JRKL: variants seen among roughly 807,000 people sequenced by gnomAD.
JRKL encodes the protein JRK like.
In JRKL, 25 loss-of-function variants were observed where a neutral mutation model predicts 34.7. The ratio of observed to expected loss-of-function variants is 0.72; its 90% CI spans 0.53 to 1.01. JRKL has a LOEUF of 1.01. JRKL is among the 50% of genes least tolerant of loss of function. JRKL has a pLI of 0.00. For missense variants in JRKL, 495 were observed against 615.7 expected (o/e 0.80, Z 2.07); for synonymous variants, 204 against 212.8 (o/e 0.96, Z 0.36).
rs1410419796 is a variant in JRKL at position 96,392,159 on chromosome 11, C to T, written c.1510C>T (p.Leu504=). ...AGGTGATATGATTCTACCTGATAGACTGGTAATACGTAAACTTCGAGCCAC... is the reference window on the plus strand; with the variant it reads ...AGGTGATATGATTCTACCTGATAGATTGGTAATACGTAAACTTCGAGCCAC... ...QQGDMILPDR[L]VIRKLRATIR... is the part of the protein sequence containing the mutation. The change falls in exon 2 of 2, where the codon CTG becomes TTG. Residue 504 remains leucine (L), a synonymous_variant. Coordinates refer to ENST00000332349, the MANE Select transcript of JRKL (RefSeq NM_001261833.2). The T allele has an allele frequency of 6.2e-7, 1 of 1,611,388 alleles. No individual in the cohort carries two copies.
rs753575412 is a variant in JRKL at position 96,392,157 on chromosome 11, G to C, written c.1508G>C (p.Arg503Thr). The C allele has an allele frequency of 6.2e-7, 1 of 1,612,374 alleles. No homozygotes were observed. Among genetic ancestry groups the C allele is most frequent in the Admixed American group, 1.7e-5 (1 of 59,680 alleles). Reference sequence around the variant, plus strand: ...CAAGGTGATATGATTCTACCTGATAGACTGGTAATACGTAAACTTCGAGCC... The same window carrying C: ...CAAGGTGATATGATTCTACCTGATACACTGGTAATACGTAAACTTCGAGCC... Reference protein sequence around the residue: ...EQQGDMILPDRLVIRKLRATI... With the variant: ...EQQGDMILPDTLVIRKLRATI... Residue 503 changes from arginine to threonine, a missense_variant, in exon 2 of 2, where the codon AGA becomes ACA. Transcript: ENST00000332349.
chr11:96,391,935 A>C lies in JRKL; in HGVS notation c.1286A>C (p.Glu429Ala). ...GLENVTTENL[E>A]KWLEVDSTEP... ...GAAAATGTGACTACTGAGAACCTTG[A>C]AAAATGGCTTGAAGTAGACAGTACT... Residue 429 changes from glutamate to alanine, a missense_variant, in exon 2 of 2, where the codon GAA (glutamate) becomes GCA (alanine). Transcript: ENST00000332349. 6.2e-7 allele frequency: 1 copy of C among 1,614,174 alleles called. No homozygotes were observed. Among genetic ancestry groups the C allele is most frequent in the Non-Finnish European group, 8.5e-7 (1 of 1,180,018 alleles).
chr11:96,391,915 T>C lies in JRKL; in HGVS notation c.1266T>C (p.Asn422=). The C allele has an allele frequency of 6.2e-7, 1 of 1,614,186 alleles. No homozygotes were observed. The highest frequency in any genetic ancestry group is 8.5e-7 in the Non-Finnish European group (1 of 1,180,024). ...AILQHTKGLE[N]VTTENLEKWL... is the part of the protein sequence containing the mutation. ...TACAACACACCAAAGGATTGGAAAA[T>C]GTGACTACTGAGAACCTTGAAAAAT... The change falls in exon 2 of 2, where the codon AAT becomes AAC. Residue 422 remains asparagine (N), a synonymous_variant. Coordinates refer to ENST00000332349, the MANE Select transcript of JRKL (RefSeq NM_001261833.2).
intron 1 of JRKL, among the ~76,000 whole-genome samples, 157 bp from the exon 2 acceptor site, chr11:96,390,326 C>T (rs1866488904): frequency 6.6e-6 from 1 of 152,070 alleles, no homozygotes; most frequent in Non-Finnish European, 1.5e-5. Context: ...TTCGTGGCCA[C>T]AATGGGGGTA....
rs764719133 is a variant in JRKL, at chr11:96,391,782, C to G, written c.1133C>G (p.Pro378Arg). Residue 378 changes from proline (P) to arginine (R), a missense_variant, in exon 2 of 2, where the codon CCA becomes CGA. Pro to Arg is a moderately radical substitution (Grantham distance 103). Transcript: ENST00000332349. ...EIAMAWNLVK[P>R]VTISRAWKKI... ...GCAATGGCATGGAACTTAGTAAAAC[C>G]AGTTACCATTAGCAGAGCATGGAAG... 4 of 1,614,022 alleles carry G rather than the reference C, an allele frequency of 2.5e-6. No homozygotes were observed. In the African/African-American group the frequency reaches 4.0e-5, roughly 16 times the overall value.
In JRKL at chr11:96,391,230, A is replaced by C. The variant is rs764064703; in HGVS notation, c.581A>C (p.Lys194Thr). Residue 194 changes from lysine (K) to threonine (T), a missense_variant, in exon 2 of 2, where the codon AAA becomes ACA. Physicochemically the swap from Lys to Thr is moderately conservative, Grantham distance 78. Coordinates refer to ENST00000332349, the MANE Select transcript of JRKL (RefSeq NM_001261833.2). ...TTGCCTTCTAGGATTTCAGTAATCA[A>C]AGGTAAATGCACTGTCCCTGGGCAC... is the stretch of plus-strand genomic sequence containing the variant. ...KCLPSRISVI[K>T]GKCTVPGHKS... is the part of the protein sequence containing the mutation. 5.7e-5 allele frequency: 88 copies of C among 1,552,322 alleles called. No individual in the cohort carries two copies. The South Asian group carries it at 1.0e-3, about 18-fold the overall frequency.
Position 96,391,508 on chromosome 11 carries a change from G to T in JRKL, c.859G>T (p.Ala287Ser). ...YLRSKGLQEKAVLLLDNSPTH... is the reference protein window; with the variant it reads ...YLRSKGLQEKSVLLLDNSPTH... ...AAGATCTAAAGGCTTGCAGGAAAAG[G>T]CTGTGCTCTTGTTGGATAATTCACC... The change falls in exon 2 of 2, where the codon GCT (alanine) becomes TCT (serine). Residue 287 changes from alanine to serine, a missense_variant. By Grantham distance (99) the Ala-to-Ser change is moderately conservative. Transcript: ENST00000332349. The T allele has an allele frequency of 6.4e-7, 1 of 1,552,860 alleles. No individual in the cohort carries two copies. Among genetic ancestry groups the T allele is most frequent in the Non-Finnish European group, 8.7e-7 (1 of 1,147,428 alleles).
At chr11:96,390,414 C>G (rs998189672) in intron 1 of JRKL, 69 bp from the exon 2 acceptor site, 1 of 428,900 alleles carries the variant, frequency 2.3e-6, no homozygotes, top group Non-Finnish European at 4.1e-6. Flanking sequence ...GGGGCCTCCG[C>G]TACTGCCCGT....
chr11:96,392,519 A>G lies in JRKL; in HGVS notation c.*295A>G. The G allele has an allele frequency of 4.2e-6, 1 of 238,152 alleles. No individual in the cohort carries two copies. Among genetic ancestry groups the G allele is most frequent in the East Asian group, 9.7e-5 (1 of 10,258 alleles). 14.8% of individuals were successfully genotyped at this position (238,152 alleles called of 1,614,324 possible). On this transcript the variant is annotated 3_prime_UTR_variant, in exon 2 of 2. Coordinates refer to ENST00000332349, the MANE Select transcript of JRKL (RefSeq NM_001261833.2). ...AACAGTGGCATTCCCTTAATTTTCT[A>G]GTGAAAGTTAGAGATAACTGAACAG... is the stretch of plus-strand genomic sequence containing the variant.
In JRKL at chr11:96,391,409, G is replaced by A; in HGVS notation, c.760G>A (p.Gly254Ser). ...GCCAGTCTCTTATTTCAGCCAAAAAGGTGCATGGATGGATCTTTCCATTTT... is the reference window on the plus strand; with the variant it reads ...GCCAGTCTCTTATTTCAGCCAAAAAAGTGCATGGATGGATCTTTCCATTTT... ...NLPVSYFSQK[G>S]AWMDLSIFRQ... Residue 254 changes from glycine to serine, a missense_variant, in exon 2 of 2, where the codon GGT becomes AGT. Gly to Ser is a moderately conservative substitution (Grantham distance 56). Coordinates refer to ENST00000332349, the MANE Select transcript of JRKL (RefSeq NM_001261833.2). 2.6e-6 allele frequency: 4 copies of A among 1,551,690 alleles called. No individual in the cohort carries two copies. The highest frequency in any genetic ancestry group is 3.5e-6 in the Non-Finnish European group (4 of 1,146,992).
In JRKL at chr11:96,391,535, A is replaced by G. The variant is rs1866538046; in HGVS notation, c.886A>G (p.Thr296Ala). Reference protein sequence around the residue: ...KAVLLLDNSPTHPNENVLRSD... With the variant: ...KAVLLLDNSPAHPNENVLRSD... The stretch of plus-strand genomic sequence containing the variant: ...TGTGCTCTTGTTGGATAATTCACCA[A>G]CACATCCAAATGAAAATGTCCTAAG... Residue 296 changes from threonine to alanine, a missense_variant, in exon 2 of 2, where the codon ACA becomes GCA. Coordinates refer to ENST00000332349, the MANE Select transcript of JRKL (RefSeq NM_001261833.2). 1 of 1,556,576 alleles carries G rather than the reference A, an allele frequency of 6.4e-7. No individual in the cohort carries two copies. The highest frequency in any genetic ancestry group is 8.7e-7 in the Non-Finnish European group (1 of 1,149,462).
rs1866531758 is a variant in JRKL, at chr11:96,391,390, C to T, written c.741C>T (p.Val247=). The T allele has an allele frequency of 6.4e-7, 1 of 1,551,568 alleles. No homozygotes were observed. Among genetic ancestry groups the T allele is most frequent in the South Asian group, 1.2e-5 (1 of 84,066 alleles). ...FKSTDTLNLP[V]SYFSQKGAWM... is the part of the protein sequence containing the mutation. ...CAACTGACACCTTAAACCTGCCAGT[C>T]TCTTATTTCAGCCAAAAAGGTGCAT... Residue 247 remains valine (V), a synonymous_variant, in exon 2 of 2, where the codon GTC becomes GTT. Transcript: ENST00000332349.
chr11:96,391,927 G>A lies in JRKL; in HGVS notation c.1278G>A (p.Glu426=). The part of the protein sequence containing the change: ...HTKGLENVTT[E]NLEKWLEVDS... ...AAGGATTGGAAAATGTGACTACTGAGAACCTTGAAAAATGGCTTGAAGTAG... is the reference window on the plus strand; with the variant it reads ...AAGGATTGGAAAATGTGACTACTGAAAACCTTGAAAAATGGCTTGAAGTAG... Residue 426 remains glutamate (E), a synonymous_variant, in exon 2 of 2, where the codon GAG becomes GAA. Transcript: ENST00000332349. 1 of 1,614,146 alleles carries A rather than the reference G, an allele frequency of 6.2e-7. No individual in the cohort carries two copies. Among genetic ancestry groups the A allele is most frequent in the Non-Finnish European group, 8.5e-7 (1 of 1,180,014 alleles).
At position 96,392,169 on chromosome 11, in the gene JRKL, G is replaced by C. The variant is rs776886013; in HGVS notation, c.1520G>C (p.Arg507Pro). 3 of 1,603,772 alleles carry C rather than the reference G, an allele frequency of 1.9e-6. No homozygotes were observed. Among genetic ancestry groups the C allele is most frequent in the Non-Finnish European group, 1.7e-6 (2 of 1,176,576 alleles). Residue 507 changes from arginine to proline, a missense_variant, in exon 2 of 2, where the codon CGT (arginine) becomes CCT (proline). Arg to Pro is a moderately radical substitution (Grantham distance 103). Transcript: ENST00000332349. ...ATTCTACCTGATAGACTGGTAATAC[G>C]TAAACTTCGAGCCACCATCAGAAAT... ...DMILPDRLVIRKLRATIRNKQ... is the reference protein window; with the variant it reads ...DMILPDRLVIPKLRATIRNKQ...
rs1441345798 is a variant in JRKL at position 96,390,503 on chromosome 11, A to G, written c.-147A>G. 1 of 980,742 alleles carries G rather than the reference A, an allele frequency of 1.0e-6. No homozygotes were observed. The highest frequency in any genetic ancestry group is 1.4e-6 in the Non-Finnish European group (1 of 696,376). The allele number at this position is 980,742 out of a possible 1,614,324, so 60.8% of individuals were successfully genotyped here. ...TGCAGTCTATTTGCCAGCCAACCCCAGCCCGGGAGGGGATCAGGGCCACCA... is the reference window on the plus strand; with the variant it reads ...TGCAGTCTATTTGCCAGCCAACCCCGGCCCGGGAGGGGATCAGGGCCACCA... On this transcript the variant is annotated 5_prime_UTR_variant, in exon 2 of 2. Transcript: ENST00000332349.
chr11:96,390,955 T>C lies in JRKL; in HGVS notation c.306T>C (p.Cys102=). Reference sequence around the variant, plus strand: ...GGAATCCCATATCTGGACCAATTTGTGCAAAAAGGGCAGAGTTCTTCTTTT... The same window carrying C: ...GGAATCCCATATCTGGACCAATTTGCGCAAAAAGGGCAGAGTTCTTCTTTT... The part of the protein sequence containing the change: ...AKGNPISGPI[C]AKRAEFFFYA... Residue 102 remains cysteine (C), a synonymous_variant, in exon 2 of 2, where the codon TGT becomes TGC. Transcript: ENST00000332349. 2 of 1,614,206 alleles carry C rather than the reference T, an allele frequency of 1.2e-6. No individual in the cohort carries two copies. Among genetic ancestry groups the C allele is most frequent in the South Asian group, 2.2e-5 (2 of 91,088 alleles).
At position 96,393,044 on chromosome 11, in the gene JRKL, C is replaced by T. The variant is rs1193836273; in HGVS notation, c.*820C>T. The T allele has an allele frequency of 6.1e-6, 1 of 165,094 alleles. No homozygotes were observed. Among genetic ancestry groups the T allele is most frequent in the Non-Finnish European group, 1.5e-5 (1 of 67,874 alleles). The allele number at this position is 165,094 out of a possible 1,614,324, so 10.2% of individuals were successfully genotyped here. A position where few individuals can be genotyped will look rare whatever the true frequency, so the allele number is the denominator to read the frequency against. On this transcript the variant is annotated 3_prime_UTR_variant, in exon 2 of 2. Transcript: ENST00000332349. ...TATTTATTCATCTAATTTTATAGTACAGGTTTTGTAATGTTACATGTGATG... is the reference window on the plus strand; with the variant it reads ...TATTTATTCATCTAATTTTATAGTATAGGTTTTGTAATGTTACATGTGATG...
Position 96,391,548 on chromosome 11 carries a change from A to C in JRKL, c.899A>C (p.Glu300Ala), listed in dbSNP as rs372659747. Residue 300 changes from glutamate to alanine, a missense_variant, in exon 2 of 2, where the codon GAA becomes GCA. Coordinates refer to ENST00000332349, the MANE Select transcript of JRKL (RefSeq NM_001261833.2). Reference protein sequence around the residue: ...LLDNSPTHPNENVLRSDDGQI... With the variant: ...LLDNSPTHPNANVLRSDDGQI... ...GATAATTCACCAACACATCCAAATG[A>C]AAATGTCCTAAGGTCAGATGATGGC... The C allele has an allele frequency of 3.2e-6, 5 of 1,561,490 alleles. No homozygotes were observed. In the African/African-American group the frequency reaches 6.8e-5, roughly 21 times the overall value.
At position 96,391,498 on chromosome 11, in the gene JRKL, G is replaced by C. The variant is rs1471534302; in HGVS notation, c.849G>C (p.Leu283Phe). 2 of 1,552,364 alleles carry C rather than the reference G, an allele frequency of 1.3e-6. No individual in the cohort carries two copies. The highest frequency in any genetic ancestry group is 2.4e-5 in the South Asian group (2 of 84,260). Reference sequence around the variant, plus strand: ...GAGAGTATTTAAGATCTAAAGGCTTGCAGGAAAAGGCTGTGCTCTTGTTGG... The same window carrying C: ...GAGAGTATTTAAGATCTAAAGGCTTCCAGGAAAAGGCTGTGCTCTTGTTGG... ...QVREYLRSKG[L>F]QEKAVLLLDN... Residue 283 changes from leucine (L) to phenylalanine (F), a missense_variant, in exon 2 of 2, where the codon TTG becomes TTC. Coordinates refer to ENST00000332349, the MANE Select transcript of JRKL (RefSeq NM_001261833.2).
Sources: allele counts gnomAD v4.1 joint callset (sites outside exome capture counted in the v4.1 genomes callset), GRCh38; gene constraint gnomAD v4.1.1; transcripts MANE v1.5; gene names NCBI Gene and HGNC (gene_info 2026-07-23, HGNC 2026-07-21).